Variants in PRIM2 observed in about 807,000 individuals in gnomAD.
The protein encoded by PRIM2 is DNA primase subunit 2.
Under a neutral mutation model 67.3 loss-of-function variants are expected in PRIM2, and 39 were observed. The observed-to-expected ratio is 0.58, with a 90% confidence interval of 0.45 to 0.76. PRIM2 has a LOEUF of 0.76. Ranked by LOEUF, PRIM2 falls within the 30% of genes least tolerant of loss-of-function variation. PRIM2 has a pLI of 0.00. For synonymous variants in PRIM2, 143 were observed against 198.7 expected, an observed-to-expected ratio of 0.72 and a Z score of 2.36; for missense variants, 398 against 598.7, an observed-to-expected ratio of 0.66 and a Z score of 3.50.
At position 57,388,439 on chromosome 6, in the gene PRIM2, AAG is replaced by A. The variant is rs1245902668; in HGVS notation, c.693+6275_693+6276del. Among the ~76,000 whole-genome samples the A allele has an allele frequency of 6.6e-5, 10 of 152,300 alleles. No homozygotes were observed. The East Asian group carries it at 1.9e-3, about 29-fold the overall frequency. On this transcript the variant is annotated intron_variant, in intron 7 of 13. Coordinates refer to ENST00000615550, the MANE Select transcript of PRIM2 (RefSeq NM_000947.5). ...GACATGGTGGATTGGTTGTGAGAGA[AAG>A]AGAAGAATCAGCATAATGATGATGA...
intron 5 of PRIM2, among the ~76,000 whole-genome samples, chr6:57,339,092 A>G (rs1361671970): frequency 6.6e-6 from 1 of 151,890 alleles, no homozygotes; most frequent in Non-Finnish European, 1.5e-5. Flanking sequence ...TCACGAGTGA[A>G]CTCCCATTCA....
chr6:57,266,674 CACTTT>C, the PRIM2 span, among the ~76,000 whole-genome samples: 1 of 152,192 alleles, frequency 6.6e-6, no homozygotes, highest in East Asian at 1.9e-4. Flanking sequence ...TCTTCTACTT[CACTTT>C]GAGTGTATAT....
At chr6:57,296,972 C>T in the PRIM2 span, among the ~76,000 whole-genome samples, 2 of 151,880 alleles carry the variant, frequency 1.3e-5, no homozygotes, top group Non-Finnish European at 2.9e-5. Flanking sequence ...ATAATTTAAA[C>T]AAAATAATAC....
intron 5 of PRIM2, among the ~76,000 whole-genome samples, chr6:57,350,171 T>C (rs1768814903): frequency 6.6e-6 from 1 of 152,156 alleles, no homozygotes; most frequent in Non-Finnish European, 1.5e-5. Context: ...TTCAGTTCTT[T>C]CTATTTCCCT....
chr6:57,451,940 A>C (rs1179104901), intron 7 of PRIM2, among the ~76,000 whole-genome samples: 19 of 76,514 alleles, frequency 2.5e-4, no homozygotes, highest in South Asian at 5.3e-4. Flanking sequence ...CCCTCCCCTC[A>C]CCCCACAACA....
intron 8 of PRIM2, among the ~76,000 whole-genome samples, chr6:57,525,904 G>T (rs1199408397): frequency 6.6e-6 from 1 of 152,150 alleles, no homozygotes; most frequent in African/African-American, 2.4e-5. Context: ...AGATAGGGGG[G>T]TTGTACAGGG....
chr6:57,382,397 T>C, intron 7 of PRIM2: 1 of 362,058 alleles, frequency 2.8e-6, no homozygotes, highest in Non-Finnish European at 4.9e-6. Context: ...ATACCAATGC[T>C]GAGTGATTAA....
intron 5 of PRIM2, among the ~76,000 whole-genome samples, chr6:57,340,090 A>C (rs1040442332): frequency 3.6e-4 from 55 of 151,562 alleles, no homozygotes; most frequent in Non-Finnish European, 6.6e-4. Flanking sequence ...ATGCAGCCAA[A>C]AAACACATGA....
intron 4 of PRIM2, among the ~76,000 whole-genome samples, chr6:57,325,537 G>C (rs1366885839): frequency 6.6e-6 from 1 of 152,100 alleles, no homozygotes; most frequent in East Asian, 1.9e-4. Context: ...CGAGCAATCT[G>C]CCTGCCTTGA....
chr6:57,455,380 G>T (rs1254496344), intron 7 of PRIM2, among the ~76,000 whole-genome samples: 1 of 152,204 alleles, frequency 6.6e-6, no homozygotes, highest in African/African-American at 2.4e-5. Context: ...AATGTTGACA[G>T]TGGGGTGTTA....
chr6:57,606,887 A>G (rs1397614282), intron 12 of PRIM2, among the ~76,000 whole-genome samples: 2 of 152,262 alleles, frequency 1.3e-5, no homozygotes, highest in Non-Finnish European at 2.9e-5. Context: ...TCTGATAGGC[A>G]TCAGTTATTG....
upstream of PRIM2, among the ~76,000 whole-genome samples, chr6:57,316,195 G>T (rs1342549910): frequency 6.6e-6 from 1 of 152,180 alleles, no homozygotes; most frequent in Non-Finnish European, 1.5e-5. Flanking sequence ...GGGAGGCCGA[G>T]GTGGGCGGAT....
At chr6:57,354,158 A>G (rs1347691842) in intron 5 of PRIM2, among the ~76,000 whole-genome samples, 1 of 152,198 alleles carries the variant, frequency 6.6e-6, no homozygotes, top group Non-Finnish European at 1.5e-5. Flanking sequence ...CTTTAGCAGT[A>G]CTGAATGGCA....
chr6:57,603,223 G>A (rs1346415906), intron 11 of PRIM2, among the ~76,000 whole-genome samples: 12 of 151,838 alleles, frequency 7.9e-5, no homozygotes, highest in Non-Finnish European at 1.3e-4. Flanking sequence ...TTTTGTTTTC[G>A]TCTTTTTTCT....
intron 10 of PRIM2, among the ~76,000 whole-genome samples, chr6:57,540,175 T>G (rs1331581370): frequency 6.6e-6 from 1 of 152,160 alleles, no homozygotes; most frequent in Non-Finnish European, 1.5e-5. Flanking sequence ...GAATTTGATG[T>G]CTTAAGTAGG....
At chr6:57,634,471 C>G (rs1195810208) in intron 13 of PRIM2, among the ~76,000 whole-genome samples, 1 of 152,258 alleles carries the variant, frequency 6.6e-6, no homozygotes, top group African/African-American at 2.4e-5. Context: ...CCAGATAAGC[C>G]ATGTTTGGCA....
chr6:57,407,712 A>G (rs550805985), intron 7 of PRIM2, among the ~76,000 whole-genome samples: 3 of 152,198 alleles, frequency 2.0e-5, no homozygotes, highest in African/African-American at 4.8e-5. Flanking sequence ...TTCTCCTTCA[A>G]TTTCATGTGG....
chr6:57,572,028 G>C (rs1167266090), intron 10 of PRIM2, among the ~76,000 whole-genome samples: 1 of 152,062 alleles, frequency 6.6e-6, no homozygotes, highest in Admixed American at 6.5e-5. Flanking sequence ...CTCTATATCT[G>C]TTTTATCGTT....
upstream of PRIM2, among the ~76,000 whole-genome samples, chr6:57,317,116 G>A (rs1767504294): frequency 6.6e-6 from 1 of 152,178 alleles, no homozygotes; most frequent in Non-Finnish European, 1.5e-5. Flanking sequence ...TCTGCCAAAT[G>A]GGGGTAATAC....
Sources: gnomAD v4.1 joint callset for allele counts (sites outside exome capture counted in the v4.1 genomes callset) on GRCh38, gnomAD v4.1.1 for gene constraint, MANE v1.5 for transcripts, NCBI Gene and HGNC (gene_info 2026-07-23, HGNC 2026-07-21) for gene names.